The following PCDH15 variants were observed in gnomAD, a reference collection of about 807,000 sequenced individuals.
PCDH15 encodes protocadherin related 15.
In PCDH15, 129 loss-of-function variants were observed where a neutral mutation model predicts 178.5. That is an observed-to-expected ratio of 0.72 (90% CI 0.63 to 0.84). The LOEUF (loss-of-function observed/expected upper bound fraction) is 0.84, where lower values mean the gene tolerates loss of function less well. PCDH15 is among the 40% of genes least tolerant of loss of function. The pLI is 0.00. For synonymous variants in PCDH15, 800 were observed against 732.0 expected, an observed-to-expected ratio of 1.09 and a Z score of -1.50; for missense variants, 2,230 against 2,099.9, an observed-to-expected ratio of 1.06 and a Z score of -1.21.
At chr10:55,182,451 C>A (rs932235141) in intron 1 of PCDH15, among the ~76,000 whole-genome samples, 1 of 151,946 alleles carries the variant, frequency 6.6e-6, no homozygotes, top group Admixed American at 6.6e-5. Context: ...ACTCTAAAAT[C>A]ATTCCACCTG....
chr10:55,624,553 G>A lies in PCDH15; in HGVS notation c.-156+3072C>T, dbSNP rs1332272986. Among the ~76,000 whole-genome samples, 3 of 152,122 alleles carry A rather than the reference G, an allele frequency of 2.0e-5. No individual in the cohort carries two copies. In the East Asian group the frequency reaches 5.8e-4, roughly 29 times the overall value. ...TTTTTGTCTATTGATATGTGATGCTGCACTGTTATTGGGCAAACTTTTTAA... is the reference window on the plus strand; with the variant it reads ...TTTTTGTCTATTGATATGTGATGCTACACTGTTATTGGGCAAACTTTTTAA... On this transcript the variant is annotated intron_variant, in intron 2 of 5. Transcript: ENST00000613346.
chr10:54,731,545 GATAT>G (rs1167781763), intron 1 of PCDH15, among the ~76,000 whole-genome samples: 1 of 80,256 alleles, frequency 1.2e-5, no homozygotes, highest in East Asian at 4.4e-4. Context: ...ATGTGAGATA[GATAT>G]ATATATATAT....
At chr10:54,129,958 TG>T (rs888968039) in intron 15 of PCDH15, among the ~76,000 whole-genome samples, 22 of 151,954 alleles carry the variant, frequency 1.4e-4, no homozygotes, top group African/African-American at 5.3e-4. Flanking sequence ...AATATGCAAA[TG>T]GTGGTGGGGT....
chr10:53,925,599 G>A (rs2084464059), intron 25 of PCDH15, among the ~76,000 whole-genome samples: 1 of 152,166 alleles, frequency 6.6e-6, no homozygotes, highest in African/African-American at 2.4e-5. Flanking sequence ...AGCTTCACTA[G>A]CTCATCTCCT....
intron 2 of PCDH15, among the ~76,000 whole-genome samples, chr10:55,551,904 T>A (rs1842010238): frequency 6.6e-6 from 1 of 151,824 alleles, no homozygotes; most frequent in Non-Finnish European, 1.5e-5. Flanking sequence ...AAATGTCCAC[T>A]TTCCCTTTAC....
chr10:54,524,026 T>C (rs1225766947), intron 3 of PCDH15, among the ~76,000 whole-genome samples: 1 of 152,170 alleles, frequency 6.6e-6, no homozygotes, highest in Non-Finnish European at 1.5e-5. Context: ...TGACCTTTAT[T>C]TCAAAGCCAG....
At chr10:55,212,767 T>C (rs1340961470) in intron 1 of PCDH15, among the ~76,000 whole-genome samples, 1 of 152,060 alleles carries the variant, frequency 6.6e-6, no homozygotes, top group Non-Finnish European at 1.5e-5. Flanking sequence ...TAAGAAATAC[T>C]GCAGTTCTTT....
chr10:55,228,653 G>T (rs896901176), intron 1 of PCDH15, among the ~76,000 whole-genome samples: 2 of 151,810 alleles, frequency 1.3e-5, no homozygotes, highest in African/African-American at 4.8e-5. Flanking sequence ...GGGAAACTAA[G>T]GGAGCTTGCC....
chr10:55,053,016 T>C (rs1321714849), intron 2 of PCDH15, among the ~76,000 whole-genome samples: 1 of 152,166 alleles, frequency 6.6e-6, no homozygotes, highest in African/African-American at 2.4e-5. Flanking sequence ...GCAACCACGT[T>C]GGTGAGAGAC....
At chr10:54,143,787 A>G (rs888267238) in intron 14 of PCDH15, among the ~76,000 whole-genome samples, 4 of 152,150 alleles carry the variant, frequency 2.6e-5, no homozygotes, top group Non-Finnish European at 5.9e-5. Context: ...AACTTGAGGC[A>G]TATTTTTTCT....
chr10:54,399,034 T>C (rs959311767), intron 3 of PCDH15, among the ~76,000 whole-genome samples: 1 of 152,120 alleles, frequency 6.6e-6, no homozygotes, highest in Non-Finnish European at 1.5e-5. Context: ...CTGCAAATTA[T>C]TCTGTCATGT....
chr10:55,115,937 T>G (rs541274458), intron 2 of PCDH15, among the ~76,000 whole-genome samples: 1 of 152,324 alleles, frequency 6.6e-6, no homozygotes, highest in African/African-American at 2.4e-5. Flanking sequence ...ATATCCAATT[T>G]ACATTCCCAA....
At chr10:54,804,212 T>C (rs1021764409), upstream of PCDH15, among the ~76,000 whole-genome samples, 28 of 152,256 alleles carry the variant, frequency 1.8e-4, no homozygotes, top group Admixed American at 1.8e-3. Flanking sequence ...GCTAATTTTT[T>C]GCATTTTTAG....
intron 26 of PCDH15, among the ~76,000 whole-genome samples, chr10:53,887,685 C>A (rs965737273): frequency 2.6e-5 from 4 of 152,154 alleles, no homozygotes; most frequent in Non-Finnish European, 2.9e-5. Flanking sequence ...TCAGGAGATC[C>A]AGACCATCCT....
intron 3 of PCDH15, among the ~76,000 whole-genome samples, chr10:54,847,300 G>T (rs944545926): frequency 3.3e-5 from 5 of 152,054 alleles, no homozygotes; most frequent in African/African-American, 1.2e-4. Context: ...AAATAGACTT[G>T]CAGTATCGCA....
intron 2 of PCDH15, among the ~76,000 whole-genome samples, chr10:55,430,598 C>T (rs551351123): frequency 3.9e-5 from 6 of 152,110 alleles, no homozygotes; most frequent in African/African-American, 1.2e-4. Context: ...TTTTTACCCA[C>T]GAAGGCCAGT....
intron 7 of PCDH15, among the ~76,000 whole-genome samples, chr10:54,324,250 A>T (rs963193760): frequency 1.3e-5 from 2 of 152,136 alleles, no homozygotes; most frequent in Non-Finnish European, 2.9e-5. Context: ...ACAAACACAT[A>T]TGTTTGCAAT....
upstream of PCDH15, among the ~76,000 whole-genome samples, chr10:55,324,443 C>T (rs573904621): frequency 6.6e-6 from 1 of 152,096 alleles, no homozygotes; most frequent in South Asian, 2.1e-4. Flanking sequence ...AGTTGTTATT[C>T]AAATTTCATT....
intron 2 of PCDH15, among the ~76,000 whole-genome samples, chr10:55,576,227 T>C (rs528212745): frequency 1.6e-4 from 25 of 152,316 alleles, no homozygotes; most frequent in Non-Finnish European, 2.6e-4. Flanking sequence ...GTATTATTAA[T>C]ATATACCATA....
Sources: gnomAD v4.1 joint callset for allele counts (sites outside exome capture counted in the v4.1 genomes callset) on GRCh38, gnomAD v4.1.1 for gene constraint, MANE v1.5 for transcripts, NCBI Gene and HGNC (gene_info 2026-07-23, HGNC 2026-07-21) for gene names.